Variants in DLG2 observed in about 807,000 individuals in gnomAD.
The protein encoded by DLG2 is discs large MAGUK scaffold protein 2.
In DLG2, 45 loss-of-function variants were observed where a neutral mutation model predicts 132.5. That is an observed-to-expected ratio of 0.34 (90% CI 0.27 to 0.44). DLG2 has a LOEUF of 0.44. DLG2 is among the 20% of genes least tolerant of loss of function. DLG2 has a pLI of 1.00. For missense variants in DLG2, 1,045 were observed against 1,196.9 expected, an observed-to-expected ratio of 0.87 and a Z score of 1.87; for synonymous variants, 424 against 419.6, an observed-to-expected ratio of 1.01 and a Z score of -0.13.
chr11:85,288,069 A>G (rs2078669760), intron 3 of DLG2, among the ~76,000 whole-genome samples: 1 of 152,120 alleles, frequency 6.6e-6, no homozygotes, highest in Non-Finnish European at 1.5e-5. Flanking sequence ...ATACAAGTTA[A>G]TGGTAAGGAT....
chr11:85,546,711 C>T (rs111557115), intron 3 of DLG2, among the ~76,000 whole-genome samples: 1 of 151,192 alleles, frequency 6.6e-6, no homozygotes, highest in African/African-American at 2.4e-5. Flanking sequence ...ATAGTTAGCT[C>T]TTCTGGTTGC....
At position 83,724,943 on chromosome 11, in the gene DLG2, C is replaced by G. The variant is rs188864810; in HGVS notation, c.1825+61747G>C. On this transcript the variant is annotated intron_variant, in intron 18 of 27. Coordinates refer to ENST00000376104, the MANE Select transcript of DLG2 (RefSeq NM_001142699.3). ...GCTCTGTTCCCTCCTCCTGGTTGAG[C>G]TGCTTGGTGTATAAACTCCGCCTGG... 6.4e-4 allele frequency: 448 copies of G among 702,272 alleles called. 2 individuals are homozygous for G. Among genetic ancestry groups the G allele is most frequent in the African/African-American group, 6.1e-3 (350 of 57,334 alleles). 43.5% of individuals were successfully genotyped at this position (702,272 alleles called of 1,614,324 possible).
chr11:83,652,064 A>G (rs150342569), intron 18 of DLG2: 1 of 297,150 alleles, frequency 3.4e-6, no homozygotes, highest in East Asian at 8.0e-5. Flanking sequence ...CTCTTTTCTC[A>G]GTATAAATTA....
intron 8 of DLG2, among the ~76,000 whole-genome samples, chr11:84,192,607 G>A (rs1046076546): frequency 8.5e-5 from 13 of 152,098 alleles, no homozygotes; most frequent in Admixed American, 3.9e-4. Flanking sequence ...GCAGGCGCCT[G>A]TAGTCCCAGC....
intron 6 of DLG2, among the ~76,000 whole-genome samples, chr11:84,953,217 T>C (rs1394959687): frequency 6.6e-6 from 1 of 152,204 alleles, no homozygotes. Context: ...TAGTTCCTGG[T>C]CATCTGTTGG....
At chr11:85,525,060 T>A (rs921453266) in intron 3 of DLG2, 4 of 152,196 alleles carry the variant, frequency 2.6e-5, no homozygotes, top group African/African-American at 7.2e-5. Flanking sequence ...TGTAAAATTA[T>A]AACATTTGTC....
intron 3 of DLG2, among the ~76,000 whole-genome samples, chr11:85,322,890 C>A (rs1456043651): frequency 6.6e-6 from 1 of 152,160 alleles, no homozygotes; most frequent in Non-Finnish European, 1.5e-5. Flanking sequence ...CACACCTGCA[C>A]TACCACAAGA....
chr11:84,196,679 T>C (rs2096523089), intron 8 of DLG2, among the ~76,000 whole-genome samples: 2 of 152,072 alleles, frequency 1.3e-5, no homozygotes, highest in East Asian at 3.9e-4. Context: ...TAAAAGAAAG[T>C]AGTTATTTCT....
intron 6 of DLG2, among the ~76,000 whole-genome samples, chr11:84,804,946 G>A (rs1268786723): frequency 6.6e-6 from 1 of 151,958 alleles, no homozygotes; most frequent in East Asian, 1.9e-4. Flanking sequence ...AAAAATTAGG[G>A]AGCTTAGATC....
chr11:83,508,403 A>ATTTTTTTTTTTTTTTTTTT (rs746968613), intron 21 of DLG2, among the ~76,000 whole-genome samples: 1 of 80,202 alleles, frequency 1.2e-5, no homozygotes, highest in Non-Finnish European at 2.2e-5. Context: ...CGCCTGGCTA[A>ATTTTTTTTTTTTTTTTTTT]TTTTTTTTTT....
chr11:85,614,928 T>C (rs1364908579), intron 2 of DLG2, among the ~76,000 whole-genome samples: 1 of 152,204 alleles, frequency 6.6e-6, no homozygotes, highest in Non-Finnish European at 1.5e-5. Flanking sequence ...CAAAGCATTA[T>C]GCCATATTGA....
chr11:84,624,485 T>C (rs1314465866), intron 6 of DLG2, among the ~76,000 whole-genome samples: 1 of 152,136 alleles, frequency 6.6e-6, no homozygotes, highest in Non-Finnish European at 1.5e-5. Flanking sequence ...ATTAGAACAA[T>C]GGTCAGAATG....
intron 8 of DLG2, among the ~76,000 whole-genome samples, chr11:84,208,150 T>C (rs1351289046): frequency 2.0e-5 from 3 of 152,178 alleles, no homozygotes; most frequent in East Asian, 1.9e-4. Context: ...ATTTTACTTT[T>C]ACTATATATT....
intron 11 of DLG2, among the ~76,000 whole-genome samples, chr11:84,048,621 T>C (rs919531527): frequency 6.6e-6 from 1 of 151,678 alleles, no homozygotes; most frequent in Non-Finnish European, 1.5e-5. Context: ...ATTTACTCCA[T>C]GGCAAGAAAT....
At chr11:84,129,149 T>C (rs1339135085) in intron 9 of DLG2, among the ~76,000 whole-genome samples, 1 of 152,100 alleles carries the variant, frequency 6.6e-6, no homozygotes, top group Non-Finnish European at 1.5e-5. Flanking sequence ...TTAGATGTAA[T>C]ACAACAGAAC....
intron 16 of DLG2, among the ~76,000 whole-genome samples, chr11:83,846,126 C>G (rs547898513): frequency 1.8e-4 from 28 of 152,274 alleles, no homozygotes; most frequent in African/African-American, 6.0e-4. Flanking sequence ...ACAATCTGAA[C>G]TAGATCTTGA....
rs551904472 is a variant in DLG2, at chr11:84,296,843, C to T, written c.520-45552G>A. Among the ~76,000 whole-genome samples the T allele has an allele frequency of 7.9e-5, 12 of 152,216 alleles. No individual in the cohort carries two copies. The South Asian group carries it at 2.3e-3, about 29-fold the overall frequency. Reference sequence around the variant, plus strand: ...ATGATTTCCTTCTCAGCATTCCCCCCAAATTCTTTTTAGCAACTTTCCAAA... The same window carrying T: ...ATGATTTCCTTCTCAGCATTCCCCCTAAATTCTTTTTAGCAACTTTCCAAA... On this transcript the variant is annotated intron_variant, in intron 7 of 27. Transcript: ENST00000376104.
chr11:84,553,671 T>C (rs1353666586), intron 6 of DLG2, among the ~76,000 whole-genome samples: 1 of 152,214 alleles, frequency 6.6e-6, no homozygotes, highest in African/African-American at 2.4e-5. Context: ...TAACTTCCTC[T>C]CTTGAGATTT....
At chr11:83,786,236 C>T (rs1391843394) in intron 18 of DLG2, among the ~76,000 whole-genome samples, 1 of 151,384 alleles carries the variant, frequency 6.6e-6, no homozygotes, top group Non-Finnish European at 1.5e-5. Flanking sequence ...GGAGTAAAGG[C>T]AAAAAAAATG....
Sources: gnomAD v4.1 joint callset for allele counts (sites outside exome capture counted in the v4.1 genomes callset) on GRCh38, gnomAD v4.1.1 for gene constraint, MANE v1.5 for transcripts, NCBI Gene and HGNC (gene_info 2026-07-23, HGNC 2026-07-21) for gene names.